Variants in CCBE1 observed in about 807,000 individuals in gnomAD.
CCBE1 encodes the protein collagen and calcium-binding EGF domain-containing protein 1.
Under a neutral mutation model 50.0 loss-of-function variants are expected in CCBE1, and 37 were observed. That is an observed-to-expected ratio of 0.74 (90% CI 0.57 to 0.97). The LOEUF is 0.97. Ranked by LOEUF, CCBE1 falls within the 50% of genes least tolerant of loss-of-function variation. CCBE1 has a pLI of 0.00. For missense variants in CCBE1, 538 were observed against 523.8 expected (o/e 1.03, Z -0.26); for synonymous variants, 234 against 203.7 (o/e 1.15, Z -1.27).
At position 59,697,320 on chromosome 18, in the gene CCBE1, C is replaced by T. The variant is rs1455194545; in HGVS notation, c.23G>A (p.Arg8Gln). MVPPPPS[R>Q]GGAARGQLGR... ...CAGCTGGCCCCTGGCAGCTCCTCCC[C>T]GGCTCGGAGGCGGCGGCACCATCAG... Residue 8 changes from arginine to glutamine, a missense_variant, in exon 1 of 11, where the codon CGG becomes CAG. Arg to Gln is a conservative substitution (Grantham distance 43). Coordinates refer to ENST00000439986, the MANE Select transcript of CCBE1 (RefSeq NM_133459.4). 1.9e-6 allele frequency: 3 copies of T among 1,548,456 alleles called. No homozygotes were observed. Among genetic ancestry groups the T allele is most frequent in the Admixed American group, 2.0e-5 (1 of 51,060 alleles).
At chr18:59,539,751 T>C (rs1915396481) in intron 2 of CCBE1, among the ~76,000 whole-genome samples, 3 of 152,258 alleles carry the variant, frequency 2.0e-5, no homozygotes, top group South Asian at 2.1e-4. Flanking sequence ...AAATTCCTTT[T>C]CTCCCAAAAT....
chr18:59,525,215 T>C (rs1196942450), intron 2 of CCBE1, among the ~76,000 whole-genome samples: 1 of 152,236 alleles, frequency 6.6e-6, no homozygotes, highest in Non-Finnish European at 1.5e-5. Context: ...CATTCCTCTC[T>C]TTCCACATCC....
chr18:59,590,307 G>A (rs1287712393), intron 2 of CCBE1, among the ~76,000 whole-genome samples: 1 of 152,056 alleles, frequency 6.6e-6, no homozygotes, highest in African/African-American at 2.4e-5. Flanking sequence ...AAGATAAAAT[G>A]CTCAGAAAAA....
chr18:59,526,668 A>G (rs1007189050), intron 2 of CCBE1, among the ~76,000 whole-genome samples: 2 of 152,064 alleles, frequency 1.3e-5, no homozygotes, highest in African/African-American at 4.8e-5. Flanking sequence ...TTTCCTCTTA[A>G]CATTACTTTA....
chr18:59,697,197 G>A lies in CCBE1; in HGVS notation c.131+15C>T, dbSNP rs779142475. 1.3e-6 allele frequency: 2 copies of A among 1,548,350 alleles called. No individual in the cohort carries two copies. The highest frequency in any genetic ancestry group is 1.2e-5 in the South Asian group (1 of 83,974). On this transcript the variant is annotated intron_variant, in intron 1 of 10. Coordinates refer to ENST00000439986, the MANE Select transcript of CCBE1 (RefSeq NM_133459.4). ...AAGCAGGAGCTCGCCCTCCGCTGGG[G>A]CTTGCAGCGCTTACCTGTCGCCGTC...
intron 2 of CCBE1, among the ~76,000 whole-genome samples, chr18:59,543,868 C>G: frequency 7.2e-6 from 1 of 138,332 alleles, no homozygotes; most frequent in African/African-American, 2.9e-5. Flanking sequence ...ACAGAAAACA[C>G]TAATGCGAGA....
chr18:59,438,434 A>T (rs1910260412), intron 9 of CCBE1, among the ~76,000 whole-genome samples: 1 of 152,242 alleles, frequency 6.6e-6, no homozygotes, highest in African/African-American at 2.4e-5. Flanking sequence ...AACTTTCTGA[A>T]GTAACTCACA....
chr18:59,473,289 A>ATTGT (rs2143745919), intron 3 of CCBE1, among the ~76,000 whole-genome samples: 1 of 152,308 alleles, frequency 6.6e-6, no homozygotes. Context: ...TTTTGAAGGC[A>ATTGT]TTGTTCCATT....
chr18:59,486,463 T>C (rs1330080297), intron 2 of CCBE1, among the ~76,000 whole-genome samples: 2 of 152,240 alleles, frequency 1.3e-5, no homozygotes, highest in Non-Finnish European at 2.9e-5. Flanking sequence ...TTTCTTCTTT[T>C]ACAAGTTAAC....
Position 59,433,098 on chromosome 18 carries a change from T to C in CCBE1, c.*2810A>G, listed in dbSNP as rs886054049. 3.3e-5 allele frequency: 5 copies of C among 152,012 alleles called. No individual in the cohort carries two copies. The highest frequency in any genetic ancestry group is 6.6e-5 in the Admixed American group (1 of 15,258). 9.4% of individuals were successfully genotyped at this position (152,012 alleles called of 1,614,324 possible). ...CCGTGGTTGGTGTGGCCCTCTGTCA[T>C]GAATGTTGAATTTTGCAGAGAGAAG... On this transcript the variant is annotated 3_prime_UTR_variant, in exon 11 of 11. Coordinates refer to ENST00000439986, the MANE Select transcript of CCBE1 (RefSeq NM_133459.4).
intron 2 of CCBE1, among the ~76,000 whole-genome samples, chr18:59,546,984 G>A (rs1915710211): frequency 6.7e-6 from 1 of 148,834 alleles, no homozygotes; most frequent in African/African-American, 2.5e-5. Flanking sequence ...AGAATTACAT[G>A]GGGTTTAAAG....
chr18:59,622,298 C>A (rs1489688709), intron 2 of CCBE1, among the ~76,000 whole-genome samples: 1 of 152,156 alleles, frequency 6.6e-6, no homozygotes, highest in Non-Finnish European at 1.5e-5. Context: ...TAGAAGTCAC[C>A]TGCAGTTACA....
At chr18:59,665,080 T>G (rs555546533) in intron 2 of CCBE1, among the ~76,000 whole-genome samples, 2 of 152,058 alleles carry the variant, frequency 1.3e-5, no homozygotes, top group African/African-American at 4.8e-5. Context: ...ATGGGAATAA[T>G]CAGATACAAG....
chr18:59,671,085 T>A (rs530134180), intron 2 of CCBE1, among the ~76,000 whole-genome samples: 2 of 152,346 alleles, frequency 1.3e-5, no homozygotes, highest in African/African-American at 2.4e-5. Context: ...GACAGTTGAA[T>A]ATACTTTAAT....
At position 59,431,333 on chromosome 18, in the gene CCBE1, T is replaced by C. The variant is rs1455773998; in HGVS notation, c.*4575A>G. On this transcript the variant is annotated 3_prime_UTR_variant, in exon 11 of 11. Transcript: ENST00000439986. ...AATATTGACTATGCCAGGAAAAAAT[T>C]CATCTATTTCCCTGAACTCATTATT... 1 of 152,232 alleles carries C rather than the reference T, an allele frequency of 6.6e-6. No individual in the cohort carries two copies. The highest frequency in any genetic ancestry group is 1.5e-5 in the Non-Finnish European group (1 of 68,044). 9.4% of individuals were successfully genotyped at this position (152,232 alleles called of 1,614,324 possible). A position where few individuals can be genotyped will look rare whatever the true frequency, so the allele number is the denominator to read the frequency against.
At chr18:59,545,835 G>A (rs1399774848) in intron 2 of CCBE1, among the ~76,000 whole-genome samples, 2 of 152,172 alleles carry the variant, frequency 1.3e-5, no homozygotes, top group African/African-American at 4.8e-5. Context: ...TGCCATGTAA[G>A]AAGTGCCTTT....
chr18:59,467,032 T>C (rs746468945), intron 4 of CCBE1, 141 bp from the exon 5 acceptor site: 211 of 728,588 alleles, frequency 2.9e-4, no homozygotes, highest in Non-Finnish European at 4.3e-4. Flanking sequence ...TGGAATAAAG[T>C]AGGGAGCTAG....
At chr18:59,510,125 A>G (rs1312580520) in intron 2 of CCBE1, among the ~76,000 whole-genome samples, 1 of 152,202 alleles carries the variant, frequency 6.6e-6, no homozygotes, top group African/African-American at 2.4e-5. Context: ...AGGAGGAAAC[A>G]TCTTTTCCTT....
At chr18:59,677,712 T>G (rs971706614) in intron 2 of CCBE1, among the ~76,000 whole-genome samples, 1 of 151,306 alleles carries the variant, frequency 6.6e-6, no homozygotes, top group African/African-American at 2.4e-5. Flanking sequence ...AAAAAAAAAT[T>G]CCCCAGGATG....
Sources: gnomAD v4.1 joint callset for allele counts (sites outside exome capture counted in the v4.1 genomes callset) on GRCh38, gnomAD v4.1.1 for gene constraint, MANE v1.5 for transcripts, NCBI Gene and HGNC (gene_info 2026-07-23, HGNC 2026-07-21) for gene names.